PDE4D: variants seen among roughly 807,000 people sequenced by gnomAD.
PDE4D encodes 3',5'-cyclic-AMP phosphodiesterase 4D.
PDE4D carries 24 observed loss-of-function variants against 87.4 expected under a neutral mutation model. The observed-to-expected ratio is 0.27, with a 90% CI of 0.20 to 0.39. The LOEUF is 0.39. PDE4D is among the 10% of genes least tolerant of loss of function. The pLI is 1.00. For synonymous variants in PDE4D, 384 were observed against 383.2 expected (o/e 1.00, Z -0.02); for missense variants, 714 against 1,041.0 (o/e 0.69, Z 4.32).
intron 1 of PDE4D, among the ~76,000 whole-genome samples, chr5:59,425,751 G>A (rs1209109361): frequency 1.3e-5 from 2 of 152,106 alleles, no homozygotes; most frequent in African/African-American, 2.4e-5. Flanking sequence ...TGCCTCCCTC[G>A]TGCAGGTTCA....
At chr5:60,212,902 T>A (rs1302348786) in intron 1 of PDE4D, among the ~76,000 whole-genome samples, 1 of 152,212 alleles carries the variant, frequency 6.6e-6, no homozygotes, top group African/African-American at 2.4e-5. Flanking sequence ...CTTCCTAAAC[T>A]TTTGTTCTTC....
At chr5:60,386,845 T>C (rs1762223635) in intron 1 of PDE4D, among the ~76,000 whole-genome samples, 1 of 152,246 alleles carries the variant, frequency 6.6e-6, no homozygotes, top group Non-Finnish European at 1.5e-5. Flanking sequence ...GTAGATATCT[T>C]TGATCTGGGA....
intron 1 of PDE4D, among the ~76,000 whole-genome samples, chr5:60,386,069 A>T (rs1185238547): frequency 6.6e-6 from 1 of 152,228 alleles, no homozygotes; most frequent in Admixed American, 6.5e-5. Context: ...AAAAAGAGGA[A>T]AAATTAAATA....
chr5:60,244,344 G>T (rs779655463), intron 1 of PDE4D, among the ~76,000 whole-genome samples: 6 of 151,890 alleles, frequency 4.0e-5, no homozygotes, highest in Non-Finnish European at 5.9e-5. Flanking sequence ...TGGACTGGAA[G>T]AATGAATATT....
intron 3 of PDE4D, among the ~76,000 whole-genome samples, chr5:59,962,531 T>A (rs1759585268): frequency 6.6e-6 from 1 of 150,408 alleles, no homozygotes; most frequent in Admixed American, 6.7e-5. Context: ...AAAAAAAAAT[T>A]TAAATATTTC....
rs1168447198 is a variant in PDE4D at position 60,477,380 on chromosome 5, T to C, written c.-90+10562A>G. Among the ~76,000 whole-genome samples, 19 of 151,630 alleles carry C rather than the reference T, an allele frequency of 1.3e-4. 1 individual carries two copies. Among genetic ancestry groups the C allele is most frequent in the Non-Finnish European group, 2.1e-4 (14 of 67,550 alleles). On this transcript the variant is annotated intron_variant, in intron 1 of 16. Transcript: ENST00000502484. ...GTGTGTAAGTAAATAAGCAAAATTT[T>C]AATTTTAGCCTGTAATAACAACTTA...
At chr5:60,153,459 T>C in intron 2 of PDE4D, among the ~76,000 whole-genome samples, 1 of 152,222 alleles carries the variant, frequency 6.6e-6, no homozygotes, top group East Asian at 1.9e-4. Context: ...GAAAACTGTA[T>C]GAAGCTTCCT....
At chr5:59,031,935 G>C (rs1330636660) in intron 6 of PDE4D, among the ~76,000 whole-genome samples, 1 of 152,016 alleles carries the variant, frequency 6.6e-6, no homozygotes, top group Non-Finnish European at 1.5e-5. Context: ...AGAGGCTGTA[G>C]AGGAGGAGGG....
chr5:60,367,053 C>G (rs777296252), intron 1 of PDE4D, among the ~76,000 whole-genome samples: 7 of 152,226 alleles, frequency 4.6e-5, no homozygotes, highest in Admixed American at 2.0e-4. Context: ...GGTGAACATG[C>G]CTTCCGGGTG....
chr5:58,991,726 AAAC>A lies in PDE4D; in HGVS notation c.1188+103_1188+105del, dbSNP rs3840337. 0.66 allele frequency: 426,360 copies of A among 647,844 alleles called. 135,961 individuals are homozygous for A. Among genetic ancestry groups the A allele is most frequent in the Admixed American group, 0.7 (15,499 of 22,262 alleles). 40.1% of individuals were successfully genotyped at this position (647,844 alleles called of 1,614,324 possible). A position where few individuals can be genotyped will look rare whatever the true frequency, so the allele number is the denominator to read the frequency against. ...CCATCTTCAAAAAAAGAAAAAAAAAAAACCCCAATTAATAAACTTTTCTATCCA... is the reference window on the plus strand; with the variant it reads ...CCATCTTCAAAAAAAGAAAAAAAAAACCCAATTAATAAACTTTTCTATCCA... On this transcript the variant is annotated intron_variant, in intron 8 of 14. Coordinates refer to ENST00000340635, the MANE Select transcript of PDE4D (RefSeq NM_001104631.2).
chr5:60,422,598 T>C (rs1367615077), intron 1 of PDE4D, among the ~76,000 whole-genome samples: 1 of 152,128 alleles, frequency 6.6e-6, no homozygotes, highest in African/African-American at 2.4e-5. Flanking sequence ...ACATGCCAAA[T>C]TGTAAAGACC....
intron 5 of PDE4D, among the ~76,000 whole-genome samples, chr5:59,146,961 A>G (rs1778758034): frequency 6.6e-6 from 1 of 152,174 alleles, no homozygotes; most frequent in Admixed American, 6.6e-5. Context: ...AGTGAGCAGC[A>G]GGCAAGCGAG....
At chr5:59,568,206 A>T (rs997715965) in intron 1 of PDE4D, among the ~76,000 whole-genome samples, 1 of 152,194 alleles carries the variant, frequency 6.6e-6, no homozygotes, top group Non-Finnish European at 1.5e-5. Context: ...AATTGTGGGG[A>T]TGTATCAAAG....
chr5:59,741,754 A>G (rs1434673751), intron 1 of PDE4D, among the ~76,000 whole-genome samples: 1 of 152,200 alleles, frequency 6.6e-6, no homozygotes, highest in Non-Finnish European at 1.5e-5. Context: ...TTAAAACTAA[A>G]CATTCTCTTA....
intron 3 of PDE4D, among the ~76,000 whole-genome samples, chr5:59,982,386 C>T (rs926725461): frequency 1.2e-4 from 18 of 152,204 alleles, no homozygotes; most frequent in Admixed American, 3.9e-4. Flanking sequence ...AGTTTTATTG[C>T]TACCTCCCCC....
At chr5:59,838,311 C>G (rs1482895888) in intron 1 of PDE4D, among the ~76,000 whole-genome samples, 1 of 152,064 alleles carries the variant, frequency 6.6e-6, no homozygotes, top group Non-Finnish European at 1.5e-5. Context: ...GCACCAGCTT[C>G]TTACCTAACA....
At chr5:60,420,320 G>T (rs912868698) in intron 1 of PDE4D, among the ~76,000 whole-genome samples, 1 of 152,142 alleles carries the variant, frequency 6.6e-6, no homozygotes, top group Admixed American at 6.5e-5. Flanking sequence ...CTATCATCAA[G>T]AAAAACATCC....
At chr5:59,195,166 A>G (rs1745182752) in intron 2 of PDE4D, among the ~76,000 whole-genome samples, 1 of 152,164 alleles carries the variant, frequency 6.6e-6, no homozygotes, top group African/African-American at 2.4e-5. Context: ...TCTTTTCTAT[A>G]TAAATTACCC....
chr5:59,156,343 G>T (rs1323813476), intron 5 of PDE4D, among the ~76,000 whole-genome samples: 1 of 82,544 alleles, frequency 1.2e-5, no homozygotes, highest in African/African-American at 3.5e-5. Context: ...GTGTGTGTGT[G>T]TGTGTGTGTG....
Sources: allele counts gnomAD v4.1 joint callset (sites outside exome capture counted in the v4.1 genomes callset), GRCh38; gene constraint gnomAD v4.1.1; transcripts MANE v1.5; gene names NCBI Gene and HGNC (gene_info 2026-07-23, HGNC 2026-07-21).